Variants in CDC40 observed in about 807,000 individuals in gnomAD.
CDC40 encodes the protein pre-mRNA-processing factor 17.
Under a neutral mutation model 80.6 loss-of-function variants are expected in CDC40, and 27 were observed. That is an observed-to-expected ratio of 0.33 (90% confidence interval 0.25 to 0.46). The LOEUF is 0.46. Ranked by LOEUF, CDC40 falls within the 20% of genes least tolerant of loss-of-function variation. CDC40 has a pLI of 1.00. For missense variants in CDC40, 486 were observed against 694.1 expected, an observed-to-expected ratio of 0.70 and a Z score of 3.37; for synonymous variants, 221 against 232.6, an observed-to-expected ratio of 0.95 and a Z score of 0.45.
At chr6:110,199,686 T>C (rs118155170) in intron 2 of CDC40, among the ~76,000 whole-genome samples, 3,959 of 152,020 alleles carry the variant, frequency 0.026, 96 homozygotes, top group Non-Finnish European at 0.039. Flanking sequence ...TAAATAAGAA[T>C]ATGGAAATTG....
chr6:110,223,493 C>T (rs776435501), intron 12 of CDC40, among the ~76,000 whole-genome samples: 16 of 152,070 alleles, frequency 1.1e-4, no homozygotes, highest in African/African-American at 1.4e-4. Flanking sequence ...TCAGGATCCC[C>T]GGAACTGTGC....
chr6:110,230,113 C>T lies in CDC40; in HGVS notation c.1722C>T (p.Leu574=), dbSNP rs918332365. ...TCATAACATGTGGTTGGGATGGTCT[C>T]ATTAAATTGTGGGATTAATGAGATT... ...SKVITCGWDG[L]IKLWD Residue 574 remains leucine, a synonymous_variant, in exon 15 of 15, where the codon CTC becomes CTT. Transcript: ENST00000307731. 1 of 1,610,550 alleles carries T rather than the reference C, an allele frequency of 6.2e-7. No homozygotes were observed. The highest frequency in any genetic ancestry group is 1.3e-5 in the African/African-American group (1 of 74,944).
chr6:110,192,881 G>C (rs1777369909), intron 1 of CDC40, among the ~76,000 whole-genome samples: 1 of 152,098 alleles, frequency 6.6e-6, no homozygotes, highest in Non-Finnish European at 1.5e-5. Flanking sequence ...CGGGTCTTTT[G>C]AGTTAATAAC....
At chr6:110,190,679 G>T (rs953701474) in intron 1 of CDC40, among the ~76,000 whole-genome samples, 2 of 152,172 alleles carry the variant, frequency 1.3e-5, no homozygotes, top group Non-Finnish European at 2.9e-5. Flanking sequence ...GGGGTGGCCT[G>T]GTTGTAGTAG....
At chr6:110,208,535 A>T (rs1468922493) in intron 4 of CDC40, among the ~76,000 whole-genome samples, 1 of 152,188 alleles carries the variant, frequency 6.6e-6, no homozygotes, top group Non-Finnish European at 1.5e-5. Flanking sequence ...GACTGAAATC[A>T]CTTGGAAGGA....
chr6:110,204,659 C>CTTTTTTTTT (rs55895216), intron 3 of CDC40, among the ~76,000 whole-genome samples: 9 of 119,270 alleles, frequency 7.5e-5, no homozygotes, highest in East Asian at 2.3e-4. Context: ...TCCTATTTCT[C>CTTTTTTTTT]TTTTTTTTTT....
At chr6:110,198,186 T>C (rs1484378395) in intron 2 of CDC40, among the ~76,000 whole-genome samples, 4 of 151,840 alleles carry the variant, frequency 2.6e-5, no homozygotes, top group Admixed American at 1.3e-4. Context: ...TGACTTTTTT[T>C]TTTTTTTTTT....
intron 12 of CDC40, among the ~76,000 whole-genome samples, chr6:110,224,656 T>TG (rs1435089104): frequency 6.6e-6 from 1 of 152,248 alleles, no homozygotes; most frequent in African/African-American, 2.4e-5. Context: ...CCCAAAGTGC[T>TG]GGGATTACAG....
At chr6:110,207,028 T>C (rs1311820230) in intron 3 of CDC40, among the ~76,000 whole-genome samples, 2 of 151,956 alleles carry the variant, frequency 1.3e-5, no homozygotes, top group African/African-American at 2.4e-5. Flanking sequence ...GAAATATAGC[T>C]CAGGGGCCGG....
rs928779982 is a variant in CDC40, at chr6:110,219,344, A to G, written c.1091-20A>G. ...TGGTCAAATTTATTTTACCTATTTA[A>G]TTTGAGTCTTTGGTTTTAGGACAGT... On this transcript the variant is annotated intron_variant, in intron 10 of 14. Coordinates refer to ENST00000307731, the MANE Select transcript of CDC40 (RefSeq NM_015891.3). The G allele has an allele frequency of 9.0e-7, 1 of 1,106,820 alleles. No individual in the cohort carries two copies. The highest frequency in any genetic ancestry group is 1.4e-6 in the Non-Finnish European group (1 of 732,884). 68.6% of individuals were successfully genotyped at this position (1,106,820 alleles called of 1,614,324 possible). A position where few individuals can be genotyped will look rare whatever the true frequency, so the allele number is the denominator to read the frequency against.
intron 3 of CDC40, among the ~76,000 whole-genome samples, chr6:110,204,044 A>G (rs1584071176): frequency 6.6e-6 from 1 of 151,972 alleles, no homozygotes; most frequent in African/African-American, 2.4e-5. Flanking sequence ...AGACAGTCTC[A>G]CTCTCTTGCC....
In CDC40 at chr6:110,208,423, A is replaced by G. The variant is rs370852233; in HGVS notation, c.491-661A>G. On this transcript the variant is annotated intron_variant, in intron 4 of 14. Coordinates refer to ENST00000307731, the MANE Select transcript of CDC40 (RefSeq NM_015891.3). ...TTTTTCCAAGTTAATGACTATACAC[A>G]GTATGCCACCTCCTACTAATCAAAT... Among the ~76,000 whole-genome samples, 8 of 152,294 alleles carry G rather than the reference A, an allele frequency of 5.3e-5. No individual in the cohort carries two copies. In the East Asian group the frequency reaches 5.8e-4, roughly 11 times the overall value.
intron 1 of CDC40, among the ~76,000 whole-genome samples, chr6:110,186,057 T>C (rs1777265429): frequency 6.6e-6 from 1 of 152,228 alleles, no homozygotes; most frequent in Non-Finnish European, 1.5e-5. Context: ...ACATCCCCTG[T>C]ACTCCTACTT....
chr6:110,218,165 C>T (rs527853482), intron 10 of CDC40, among the ~76,000 whole-genome samples: 2 of 152,228 alleles, frequency 1.3e-5, no homozygotes, highest in South Asian at 2.1e-4. Context: ...AATGTATTTG[C>T]GCAAATTGAT....
intron 1 of CDC40, among the ~76,000 whole-genome samples, chr6:110,189,733 T>G (rs1777320254): frequency 6.6e-6 from 1 of 152,222 alleles, no homozygotes; most frequent in Admixed American, 6.5e-5. Flanking sequence ...TGACCACATC[T>G]TTGACTTAGT....
In CDC40 at chr6:110,215,310, C is replaced by T. The variant is rs773612198; in HGVS notation, c.967C>T (p.Arg323Cys). 20 of 1,613,016 alleles carry T rather than the reference C, an allele frequency of 1.2e-5. No individual in the cohort carries two copies. Among genetic ancestry groups the T allele is most frequent in the African/African-American group, 4.0e-5 (3 of 74,808 alleles). Reference protein sequence around the residue: ...IKLWEVYGERRCLRTFIGHSK... With the variant: ...IKLWEVYGERCCLRTFIGHSK... ...GCTATGGGAGGTTTATGGAGAACGG[C>T]GCTGTCTGAGAACATTTATTGGTAA... The change falls in exon 9 of 15, where the codon CGC (arginine) becomes TGC (cysteine). Residue 323 changes from arginine to cysteine, a missense_variant. Coordinates refer to ENST00000307731, the MANE Select transcript of CDC40 (RefSeq NM_015891.3).
At chr6:110,213,658 G>GT (rs1777665461) in intron 8 of CDC40, among the ~76,000 whole-genome samples, 4 of 152,110 alleles carry the variant, frequency 2.6e-5, no homozygotes, top group African/African-American at 9.7e-5. Context: ...ATATGTAATA[G>GT]TTTATTTGTT....
chr6:110,191,203 T>A (rs866503806), intron 1 of CDC40, among the ~76,000 whole-genome samples: 2 of 152,346 alleles, frequency 1.3e-5, no homozygotes, highest in Admixed American at 6.5e-5. Context: ...TTATTTTTCT[T>A]GTTGGTTTTT....
At chr6:110,184,639 C>T (rs1403315494) in intron 1 of CDC40, among the ~76,000 whole-genome samples, 1 of 151,182 alleles carries the variant, frequency 6.6e-6, no homozygotes, top group Admixed American at 6.6e-5. Context: ...TCTTGCCTTG[C>T]CATGCTTACT....
Sources: gnomAD v4.1 joint callset for allele counts (sites outside exome capture counted in the v4.1 genomes callset) on GRCh38, gnomAD v4.1.1 for gene constraint, MANE v1.5 for transcripts, NCBI Gene and HGNC (gene_info 2026-07-23, HGNC 2026-07-21) for gene names.